MIDEAS: variants seen among roughly 807,000 people sequenced by gnomAD.
MIDEAS encodes mitotic deacetylase associated SANT domain protein, also known as mitotic deacetylase-associated SANT domain protein.
Under a neutral mutation model 102.7 loss-of-function variants are expected in MIDEAS, and 26 were observed. That is an observed-to-expected ratio of 0.25 (90% CI 0.19 to 0.35). The LOEUF (loss-of-function observed/expected upper bound fraction) is 0.35, where lower values mean the gene tolerates loss of function less well. MIDEAS is among the 10% of genes least tolerant of loss of function. MIDEAS has a pLI of 1.00. For synonymous variants in MIDEAS, 585 were observed against 591.0 expected, an observed-to-expected ratio of 0.99 and a Z score of 0.15; for missense variants, 1,231 against 1,435.6, an observed-to-expected ratio of 0.86 and a Z score of 2.30.
At chr14:73,723,756 CA>C (rs1366715097) in intron 9 of MIDEAS, 2 of 152,200 alleles carry the variant, frequency 1.3e-5, no homozygotes, top group Non-Finnish European at 2.9e-5. Flanking sequence ...TGAAATTTTT[CA>C]AACTGAAAAG....
intron 3 of MIDEAS, among the ~76,000 whole-genome samples, chr14:73,736,632 GA>G (rs11378988): frequency 9.5e-5 from 14 of 147,194 alleles, no homozygotes; most frequent in East Asian, 2.0e-4. Flanking sequence ...CTCTGCCTCA[GA>G]AAAAAAAAAA....
Position 73,725,087 on chromosome 14 carries a change from A to G in MIDEAS, c.2574+185T>C. The G allele has an allele frequency of 3.6e-6, 2 of 557,888 alleles. No homozygotes were observed. The highest frequency in any genetic ancestry group is 3.2e-6 in the Non-Finnish European group (1 of 307,712). 34.6% of individuals were successfully genotyped at this position (557,888 alleles called of 1,614,324 possible). A position where few individuals can be genotyped will look rare whatever the true frequency, so the allele number is the denominator to read the frequency against. On this transcript the variant is annotated intron_variant, in intron 9 of 12. Coordinates refer to ENST00000423556, the MANE Select transcript of MIDEAS (RefSeq NM_001367710.1). The surrounding 1 kb of genome is among the most constrained non-coding windows in gnomAD (Gnocchi z 4.1). ...ACCCTGAAGTGAGGAAAGGATGCTT[A>G]GAACCAAAAGGGAAAAGAGACCTAT...
chr14:73,751,887 C>T (rs2053424942), intron 1 of MIDEAS, among the ~76,000 whole-genome samples: 1 of 152,080 alleles, frequency 6.6e-6, no homozygotes, highest in South Asian at 2.1e-4. Context: ...GCGACAAGAG[C>T]AAAACTCTGT....
intron 11 of MIDEAS, among the ~76,000 whole-genome samples, chr14:73,720,075 T>G (rs1595249370): frequency 1.3e-5 from 2 of 151,832 alleles, no homozygotes; most frequent in South Asian, 4.2e-4. Context: ...CCATCAGAAG[T>G]GGCACCCTCA....
intron 1 of MIDEAS, among the ~76,000 whole-genome samples, chr14:73,757,009 A>G (rs2053491690): frequency 6.6e-6 from 1 of 152,064 alleles, no homozygotes; most frequent in East Asian, 1.9e-4. Flanking sequence ...GAGGTAGTTC[A>G]AGACTGTAAT....
intron 11 of MIDEAS, 66 bp from the exon 12 acceptor site, chr14:73,719,567 G>A (rs747680540): frequency 1.3e-6 from 2 of 1,518,408 alleles, no homozygotes; most frequent in South Asian, 1.2e-5. Context: ...TTCTAAAATC[G>A]CAGGGAACCG....
chr14:73,757,170 G>A (rs2053493797), intron 1 of MIDEAS, among the ~76,000 whole-genome samples: 1 of 150,904 alleles, frequency 6.6e-6, no homozygotes, highest in South Asian at 2.1e-4. Context: ...TACTTGGGAG[G>A]CTGAGGTGGG....
At chr14:73,778,846 G>T (rs1475856007) in intron 1 of MIDEAS, among the ~76,000 whole-genome samples, 1 of 151,982 alleles carries the variant, frequency 6.6e-6, no homozygotes, top group Non-Finnish European at 1.5e-5. Flanking sequence ...CCTCTCCATC[G>T]CACTCTGCCC....
At chr14:73,786,465 T>C (rs887012920) in intron 1 of MIDEAS, among the ~76,000 whole-genome samples, 6 of 152,148 alleles carry the variant, frequency 3.9e-5, no homozygotes, top group Non-Finnish European at 7.3e-5. Flanking sequence ...AATTGCAAAG[T>C]GTTAGGCCTT....
At position 73,723,904 on chromosome 14, in the gene MIDEAS, G is replaced by A. The variant is rs1289788448; in HGVS notation, c.2575-1057C>T. On this transcript the variant is annotated intron_variant, in intron 9 of 12. Coordinates refer to ENST00000423556, the MANE Select transcript of MIDEAS (RefSeq NM_001367710.1). ...GGCTGAGAAGTGAGCATACAGAAAT[G>A]TCACAGTGTCCCCTGTCGGGGGAGG... The A allele has an allele frequency of 2.0e-5, 3 of 152,196 alleles. No homozygotes were observed. The South Asian group carries it at 6.2e-4, about 31-fold the overall frequency. 9.4% of individuals were successfully genotyped at this position (152,196 alleles called of 1,614,324 possible).
chr14:73,729,642 G>A lies in MIDEAS; in HGVS notation c.2093C>T (p.Thr698Ile), dbSNP rs1266599667. Residue 698 changes from threonine to isoleucine, a missense_variant and splice_region_variant, in exon 4 of 13, where the codon ACT becomes ATT. Physicochemically the swap from Thr to Ile is moderately conservative, Grantham distance 89. Around this residue, in one of 5 missense-constraint regions of MIDEAS, gnomAD observed 391 missense variants for 483.0 expected, o/e 0.81. Coordinates refer to ENST00000423556, the MANE Select transcript of MIDEAS (RefSeq NM_001367710.1). ...GGTCGCGGAGGGAGGTCACTCACTA[G>A]TCCGGAGCAGCGTGCGATGGGCACT... is the stretch of plus-strand genomic sequence containing the variant. ...PKSAHRTLLR[T>I]NSAEVTPPVL... 3 of 1,604,264 alleles carry A rather than the reference G, an allele frequency of 1.9e-6. No homozygotes were observed. Among genetic ancestry groups the A allele is most frequent in the Non-Finnish European group, 2.6e-6 (3 of 1,173,894 alleles).
chr14:73,753,135 C>T (rs1211754663), intron 1 of MIDEAS, among the ~76,000 whole-genome samples: 2 of 152,218 alleles, frequency 1.3e-5, no homozygotes, highest in African/African-American at 4.8e-5. Flanking sequence ...GTGCATGTGC[C>T]TGGCCGAGCA....
At chr14:73,783,222 G>A (rs2053772122) in intron 1 of MIDEAS, among the ~76,000 whole-genome samples, 2 of 152,158 alleles carry the variant, frequency 1.3e-5, no homozygotes, top group Admixed American at 6.5e-5. Context: ...TCAGCACAGG[G>A]CCCAGGGTGA....
intron 11 of MIDEAS, among the ~76,000 whole-genome samples, chr14:73,720,201 G>A (rs2052967391): frequency 6.6e-6 from 1 of 151,904 alleles, no homozygotes; most frequent in South Asian, 2.1e-4. Flanking sequence ...ACAGTTTATG[G>A]GAGCTCTGTA....
intron 1 of MIDEAS, among the ~76,000 whole-genome samples, chr14:73,767,011 C>T (rs2053597817): frequency 6.6e-6 from 1 of 151,938 alleles, no homozygotes; most frequent in African/African-American, 2.4e-5. Context: ...CTCGCCACCA[C>T]ACCCAGCTAA....
At chr14:73,774,625 C>G (rs1433300356) in intron 1 of MIDEAS, among the ~76,000 whole-genome samples, 1 of 151,978 alleles carries the variant, frequency 6.6e-6, no homozygotes, top group African/African-American at 2.4e-5. Context: ...TCAGTGTCCC[C>G]TCAAAGGCTT....
chr14:73,718,866 T>C lies in MIDEAS; in HGVS notation c.3277A>G (p.Ser1093Gly). The C allele has an allele frequency of 6.6e-7, 1 of 1,505,688 alleles. No homozygotes were observed. The highest frequency in any genetic ancestry group is 8.8e-7 in the Non-Finnish European group (1 of 1,134,088). The allele number at this position is 1,505,688 out of a possible 1,614,324, so 93.3% of individuals were successfully genotyped here. The change falls in exon 13 of 13, where the codon AGC becomes GGC. Residue 1093 changes from serine to glycine, a missense_variant. Transcript: ENST00000423556. ...GCTCAGCCCTTGTCGCCCGCACCGC[T>C]CTCCTCCCGCAGGGCCTGCTGGTGG... ...AAHQQALREE[S>G]GAGDKG
intron 11 of MIDEAS, 63 bp downstream of exon 11, chr14:73,721,234 C>G (rs2052984391): frequency 1.3e-6 from 2 of 1,518,368 alleles, no homozygotes; most frequent in Admixed American, 3.3e-5. Flanking sequence ...CCCTCCCTCC[C>G]ACGCCCCCAG....
rs1354123136 is a variant in MIDEAS at position 73,719,613 on chromosome 14, G to GGAA, written c.2938-113_2938-112insTTC. 3 of 1,071,964 alleles carry GGAA rather than the reference G, an allele frequency of 2.8e-6. No homozygotes were observed. The African/African-American group carries it at 4.7e-5, about 17-fold the overall frequency. The allele number at this position is 1,071,964 out of a possible 1,614,324, so 66.4% of individuals were successfully genotyped here. ...AAGTCATATATATTCCTGCCAAACAGTCACCTAGCATGCACTTGGGTCCTT... is the reference window on the plus strand; with the variant it reads ...AAGTCATATATATTCCTGCCAAACAGGAATCACCTAGCATGCACTTGGGTCCTT... On this transcript the variant is annotated intron_variant, in intron 11 of 12. Transcript: ENST00000423556.
Sources: allele counts gnomAD v4.1 joint callset (sites outside exome capture counted in the v4.1 genomes callset), GRCh38; gene constraint gnomAD v4.1.1; regional missense constraint gnomAD v4.1.1; non-coding constraint Gnocchi (gnomAD v3.1); transcripts MANE v1.5; gene names NCBI Gene and HGNC (gene_info 2026-07-23, HGNC 2026-07-21).